WDFY3: variants seen among roughly 807,000 people sequenced by gnomAD.
WDFY3 encodes the protein WD repeat and FYVE domain-containing protein 3.
A neutral mutation model predicts 409.6 loss-of-function variants in WDFY3; 66 were observed. That is an observed-to-expected ratio of 0.16 (90% CI 0.13 to 0.20). The LOEUF is 0.20. WDFY3 is among the 10% of genes least tolerant of loss of function. WDFY3 has a pLI of 1.00. For synonymous variants in WDFY3, 1,521 were observed against 1,537.1 expected (o/e 0.99, Z 0.25); for missense variants, 3,031 against 4,298.1 (o/e 0.71, Z 8.24).
At chr4:84,832,516 G>A (rs1047814796) in intron 7 of WDFY3, among the ~76,000 whole-genome samples, 2 of 152,096 alleles carry the variant, frequency 1.3e-5, no homozygotes, top group Admixed American at 1.3e-4. Flanking sequence ...AATAATAAAT[G>A]TTTGAGGTGA....
intron 44 of WDFY3, among the ~76,000 whole-genome samples, chr4:84,729,919 G>A (rs1330731414): frequency 6.6e-6 from 1 of 152,070 alleles, no homozygotes; most frequent in Non-Finnish European, 1.5e-5. Flanking sequence ...CTTTAGGTTG[G>A]CACAAACCTA....
chr4:84,799,301 C>T (rs145331193), intron 17 of WDFY3, among the ~76,000 whole-genome samples: 51 of 151,346 alleles, frequency 3.4e-4, no homozygotes, highest in Middle Eastern at 3.4e-3. Context: ...GGACTACAGG[C>T]ACACGCCACC....
intron 2 of WDFY3, among the ~76,000 whole-genome samples, chr4:84,926,932 T>G (rs1770073439): frequency 6.6e-6 from 1 of 152,208 alleles, no homozygotes; most frequent in African/African-American, 2.4e-5. Flanking sequence ...AAGAAAGTCT[T>G]AAATTTTTGT....
chr4:84,693,693 C>T (rs1392782925), intron 58 of WDFY3, among the ~76,000 whole-genome samples: 3 of 151,938 alleles, frequency 2.0e-5, no homozygotes, highest in South Asian at 4.2e-4. Flanking sequence ...GTCAGGAGTT[C>T]GAGACCAGCC....
chr4:84,937,955 T>A (rs1485353448), intron 1 of WDFY3, among the ~76,000 whole-genome samples: 2 of 152,154 alleles, frequency 1.3e-5, no homozygotes, highest in Admixed American at 1.3e-4. Context: ...CATATATACC[T>A]GTGATAAAAT....
chr4:84,743,603 A>T, intron 37 of WDFY3, 97 bp downstream of exon 37: 1 of 881,104 alleles, frequency 1.1e-6, no homozygotes, highest in Non-Finnish European at 1.6e-6. Flanking sequence ...TAGACAAAAA[A>T]GGAAAGAAAA....
chr4:84,747,312 T>A (rs911900058), intron 36 of WDFY3, among the ~76,000 whole-genome samples: 1 of 152,204 alleles, frequency 6.6e-6, no homozygotes, highest in African/African-American at 2.4e-5. Context: ...CCTGTTTCTG[T>A]AATGGGCTGG....
At chr4:84,706,098 G>C (rs924623180) in intron 53 of WDFY3, among the ~76,000 whole-genome samples, 3 of 152,164 alleles carry the variant, frequency 2.0e-5, no homozygotes, top group Non-Finnish European at 4.4e-5. Context: ...TAGTTTACCA[G>C]AGATCACTTT....
At chr4:84,759,119 T>C (rs950989306) in intron 32 of WDFY3, among the ~76,000 whole-genome samples, 1 of 152,194 alleles carries the variant, frequency 6.6e-6, no homozygotes, top group Non-Finnish European at 1.5e-5. Context: ...GTTGTAGATA[T>C]GCGGCGTTAT....
intron 2 of WDFY3, among the ~76,000 whole-genome samples, chr4:84,922,567 T>C (rs539036614): frequency 6.6e-6 from 1 of 152,322 alleles, no homozygotes; most frequent in Non-Finnish European, 1.5e-5. Flanking sequence ...TGGATTTCTA[T>C]AGGTCTAAGC....
chr4:84,832,674 A>G (rs1755918418), intron 7 of WDFY3, among the ~76,000 whole-genome samples: 1 of 152,192 alleles, frequency 6.6e-6, no homozygotes, highest in Admixed American at 6.5e-5. Context: ...AGTGTATGTA[A>G]GTAAATAAAT....
chr4:84,690,584 C>A lies in WDFY3; in HGVS notation c.9285G>T (p.Thr3095=). 1 of 1,614,150 alleles carries A rather than the reference C, an allele frequency of 6.2e-7. No homozygotes were observed. Among genetic ancestry groups the A allele is most frequent in the Admixed American group, 1.7e-5 (1 of 60,016 alleles). Residue 3095 remains threonine, a synonymous_variant, in exon 61 of 68, where the codon ACG becomes ACT. Transcript: ENST00000295888. ...CACACACAACCGTGCTTGTTCCACC[C>A]GTGATGACCAGCTTGGGGTTGGGGC... ...AICPNPKLVI[T]GGTSTVVCVW...
At chr4:84,679,871 T>G (rs1222299492) in intron 64 of WDFY3, among the ~76,000 whole-genome samples, 2 of 150,692 alleles carry the variant, frequency 1.3e-5, no homozygotes, top group Non-Finnish European at 3.0e-5. Flanking sequence ...CACACGTACG[T>G]GTGTATATAT....
chr4:84,711,990 A>C (rs773996699), intron 51 of WDFY3, among the ~76,000 whole-genome samples: 2 of 151,934 alleles, frequency 1.3e-5, no homozygotes, highest in Non-Finnish European at 2.9e-5. Context: ...TAAAATTCCT[A>C]CTCTTTGTTT....
At position 84,672,609 on chromosome 4, in the gene WDFY3, A is replaced by G. The variant is rs970975732; in HGVS notation, c.*259T>C. 7.0e-6 allele frequency: 2 copies of G among 287,028 alleles called. No individual in the cohort carries two copies. The highest frequency in any genetic ancestry group is 1.3e-5 in the Non-Finnish European group (2 of 155,622). The allele number at this position is 287,028 out of a possible 1,614,324, so 17.8% of individuals were successfully genotyped here. A position where few individuals can be genotyped will look rare whatever the true frequency, so the allele number is the denominator to read the frequency against. On this transcript the variant is annotated 3_prime_UTR_variant, in exon 68 of 68. Transcript: ENST00000295888. ...TTTTCTCTTGGAGACAGCTACTGTC[A>G]TCAGGGAGAACTGGAGGTCGAAAGT...
intron 3 of WDFY3, among the ~76,000 whole-genome samples, chr4:84,882,138 A>G (rs1763620861): frequency 1.3e-5 from 2 of 152,138 alleles, no homozygotes; most frequent in Admixed American, 1.3e-4. Context: ...TCCCAAATTC[A>G]CATATAATCC....
intron 3 of WDFY3, among the ~76,000 whole-genome samples, chr4:84,888,598 T>G (rs999033116): frequency 6.6e-6 from 1 of 152,200 alleles, no homozygotes; most frequent in Non-Finnish European, 1.5e-5. Flanking sequence ...TTCTTGCATA[T>G]CCACTAAAAT....
intron 62 of WDFY3, among the ~76,000 whole-genome samples, chr4:84,686,387 C>G (rs1324365438): frequency 6.6e-6 from 1 of 152,132 alleles, no homozygotes; most frequent in Non-Finnish European, 1.5e-5. Flanking sequence ...TTGCATGTCC[C>G]CCACTCATTC....
At chr4:84,690,472 T>C (rs554156046) in intron 61 of WDFY3, 34 bp downstream of exon 61, 5 of 1,613,858 alleles carry the variant, frequency 3.1e-6, no homozygotes, top group East Asian at 2.2e-5. Flanking sequence ...AGATGGACTA[T>C]GTCCTTCTTG....
Sources: allele counts gnomAD v4.1 joint callset (sites outside exome capture counted in the v4.1 genomes callset), GRCh38; gene constraint gnomAD v4.1.1; transcripts MANE v1.5; gene names NCBI Gene and HGNC (gene_info 2026-07-23, HGNC 2026-07-21).